Variants in AASDHPPT observed in about 807,000 individuals in gnomAD.
AASDHPPT encodes the protein aminoadipate-semialdehyde dehydrogenase-phosphopantetheinyl transferase, also known as L-aminoadipate-semialdehyde dehydrogenase-phosphopantetheinyl transferase.
In AASDHPPT, 23 loss-of-function variants were observed where a neutral mutation model predicts 36.4. The observed-to-expected ratio is 0.63, with a 90% confidence interval of 0.45 to 0.89. The LOEUF (loss-of-function observed/expected upper bound fraction) is 0.89. AASDHPPT is among the 40% of genes least tolerant of loss of function. The pLI is 0.00. For synonymous variants in AASDHPPT, 115 were observed against 128.0 expected, an observed-to-expected ratio of 0.90 and a Z score of 0.68; for missense variants, 377 against 378.2, an observed-to-expected ratio of 1.00 and a Z score of 0.03.
chr11:106,086,020 C>T (rs1315021825), intron 2 of AASDHPPT: 1 of 152,206 alleles, frequency 6.6e-6, no homozygotes, highest in Non-Finnish European at 1.5e-5. Flanking sequence ...AGCATTTGAA[C>T]ATTTGACTGC....
chr11:106,097,054 CTTCTGG>C lies in AASDHPPT; in HGVS notation c.*151_*156del, dbSNP rs1861322926. The C allele has an allele frequency of 5.1e-6, 4 of 777,978 alleles. No individual in the cohort carries two copies. Among genetic ancestry groups the C allele is most frequent in the Non-Finnish European group, 7.7e-6 (4 of 522,530 alleles). 48.2% of individuals were successfully genotyped at this position (777,978 alleles called of 1,614,324 possible). A position where few individuals can be genotyped will look rare whatever the true frequency, so the allele number is the denominator to read the frequency against. ...TTTCCAATTAAAAAAAAAAAGCAGA[CTTCTGG>C]TTCAAGATAGCTCACTGGAATACAT... On this transcript the variant is annotated 3_prime_UTR_variant, in exon 6 of 6. Transcript: ENST00000278618.
rs1370755014 is a variant in AASDHPPT at position 106,097,320 on chromosome 11, A to G, written c.*413A>G. The G allele has an allele frequency of 5.9e-6, 1 of 168,492 alleles. No homozygotes were observed. Among genetic ancestry groups the G allele is most frequent in the Non-Finnish European group, 1.3e-5 (1 of 79,752 alleles). 10.4% of individuals were successfully genotyped at this position (168,492 alleles called of 1,614,324 possible). A position where few individuals can be genotyped will look rare whatever the true frequency, so the allele number is the denominator to read the frequency against. ...GATTTTTTTAAAAACATGGAAACGT[A>G]CTGTTTTGTAAATTCTTTTTAACTG... On this transcript the variant is annotated 3_prime_UTR_variant, in exon 6 of 6. Coordinates refer to ENST00000278618, the MANE Select transcript of AASDHPPT (RefSeq NM_015423.3).
At chr11:106,091,092 C>T (rs1861251600) in intron 3 of AASDHPPT, among the ~76,000 whole-genome samples, 1 of 152,036 alleles carries the variant, frequency 6.6e-6, no homozygotes. Context: ...ATCATCATCG[C>T]AGGTTACATA....
intron 3 of AASDHPPT, 54 bp downstream of exon 3, chr11:106,090,732 C>G (rs1315453252): frequency 2.6e-6 from 4 of 1,544,616 alleles, no homozygotes; most frequent in Non-Finnish European, 3.5e-6. Flanking sequence ...CCATTATCTT[C>G]ACTTAAAATC....
chr11:106,089,278 A>G (rs917702934), intron 2 of AASDHPPT, among the ~76,000 whole-genome samples: 2 of 152,024 alleles, frequency 1.3e-5, no homozygotes, highest in African/African-American at 4.8e-5. Context: ...AGTGTGTGGT[A>G]TCAGCTATCA....
At chr11:106,094,352 TGTG>T (rs1297571184) in intron 4 of AASDHPPT, 1 of 339,678 alleles carries the variant, frequency 2.9e-6, no homozygotes, top group Non-Finnish European at 5.3e-6. Context: ...TGTAAGAGAA[TGTG>T]CCTACTAGGA....
chr11:106,085,145 A>G (rs922585765), intron 2 of AASDHPPT, among the ~76,000 whole-genome samples: 1 of 151,844 alleles, frequency 6.6e-6, no homozygotes, highest in Non-Finnish European at 1.5e-5. Context: ...TCTGTTGCCC[A>G]GGCTGGAGTG....
At chr11:106,085,277 A>G (rs974218863) in intron 2 of AASDHPPT, among the ~76,000 whole-genome samples, 3 of 151,750 alleles carry the variant, frequency 2.0e-5, no homozygotes, top group African/African-American at 7.3e-5. Flanking sequence ...AATTTTTTGT[A>G]TTTTTAGTAG....
intron 4 of AASDHPPT, 94 bp from the exon 5 acceptor site, chr11:106,094,489 G>C: frequency 1.3e-6 from 1 of 779,702 alleles, no homozygotes; most frequent in Non-Finnish European, 2.0e-6. Context: ...TATATATATA[G>C]AGAGAGAGAG....
Position 106,094,620 on chromosome 11 carries a change from C to T in AASDHPPT, c.731C>T (p.Ala244Val). 1.9e-6 allele frequency: 3 copies of T among 1,606,400 alleles called. No homozygotes were observed. The highest frequency in any genetic ancestry group is 2.6e-6 in the Non-Finnish European group (3 of 1,176,286). The change falls in exon 5 of 6, where the codon GCT (alanine) becomes GTT (valine). Residue 244 changes from alanine to valine, a missense_variant. Transcript: ENST00000278618. The part of the protein sequence containing the change: ...KIDEHHFVAV[A>V]LRKPDGSRHQ... Reference sequence around the variant, plus strand: ...GATGAGCACCATTTTGTTGCAGTTGCTCTTAGGAAACCCGATGGATCTAGA... The same window carrying T: ...GATGAGCACCATTTTGTTGCAGTTGTTCTTAGGAAACCCGATGGATCTAGA...
Position 106,090,611 on chromosome 11 carries a change from A to G in AASDHPPT, c.464A>G (p.Lys155Arg). ...FHIMKRKFTN[K>R]EWETIRSFKD... The stretch of plus-strand genomic sequence containing the variant: ...ATTATGAAAAGAAAGTTTACCAACA[A>G]AGAATGGGAAACAATCAGAAGCTTT... Residue 155 changes from lysine (K) to arginine (R), a missense_variant, in exon 3 of 6, where the codon AAA (lysine) becomes AGA (arginine). Coordinates refer to ENST00000278618, the MANE Select transcript of AASDHPPT (RefSeq NM_015423.3). 6.2e-7 allele frequency: 1 copy of G among 1,601,958 alleles called. No homozygotes were observed. The highest frequency in any genetic ancestry group is 2.3e-5 in the East Asian group (1 of 44,400).
In AASDHPPT at chr11:106,090,635, T is replaced by G; in HGVS notation, c.488T>G (p.Phe163Cys). 1 of 1,600,460 alleles carries G rather than the reference T, an allele frequency of 6.2e-7. No homozygotes were observed. The highest frequency in any genetic ancestry group is 8.5e-7 in the Non-Finnish European group (1 of 1,174,656). Residue 163 changes from phenylalanine (F) to cysteine (C), a missense_variant, in exon 3 of 6, where the codon TTT (phenylalanine) becomes TGT (cysteine). Phe to Cys is a radical substitution (Grantham distance 205, BLOSUM62 -2). Coordinates refer to ENST00000278618, the MANE Select transcript of AASDHPPT (RefSeq NM_015423.3). ...TNKEWETIRS[F>C]KDEWTQLDMF... ...AAAGAATGGGAAACAATCAGAAGCT[T>G]TAAGGATGAGTGGACTCAGCTGGAT... is the stretch of plus-strand genomic sequence containing the variant.
Position 106,079,524 on chromosome 11 carries a change from C to G in AASDHPPT, c.241C>G (p.His81Asp), listed in dbSNP as rs1861109862. 1 of 1,613,958 alleles carries G rather than the reference C, an allele frequency of 6.2e-7. No homozygotes were observed. Among genetic ancestry groups the G allele is most frequent in the Non-Finnish European group, 8.5e-7 (1 of 1,180,000 alleles). The change falls in exon 2 of 6, where the codon CAT becomes GAT. Residue 81 changes from histidine to aspartate, a missense_variant. Transcript: ENST00000278618. ...VAEKLNIPWNHIRLQRTAKGK... is the reference protein window; with the variant it reads ...VAEKLNIPWNDIRLQRTAKGK... ...AGAGAAATTGAATATCCCTTGGAAT[C>G]ATATTCGTTTGCAAAGAACTGCAAA...
intron 5 of AASDHPPT, 169 bp from the exon 6 acceptor site, chr11:106,096,574 T>C (rs983950782): frequency 4.2e-6 from 2 of 471,312 alleles, no homozygotes; most frequent in Non-Finnish European, 7.1e-6. Context: ...TTTTGATTTG[T>C]TGTATTGGCA....
chr11:106,084,351 T>A (rs185487425), intron 2 of AASDHPPT, among the ~76,000 whole-genome samples: 43 of 152,348 alleles, frequency 2.8e-4, no homozygotes, highest in African/African-American at 1.0e-3. Context: ...TGAATGCTGC[T>A]AATAGAAATT....
intron 3 of AASDHPPT, among the ~76,000 whole-genome samples, chr11:106,090,884 C>T (rs1186125225): frequency 1.1e-5 from 1 of 89,038 alleles, no homozygotes; most frequent in African/African-American, 2.6e-5. Context: ...ATGTAATGCT[C>T]AGTTAGAAAG....
intron 2 of AASDHPPT, among the ~76,000 whole-genome samples, chr11:106,081,913 T>C (rs916525474): frequency 6.6e-6 from 1 of 151,816 alleles, no homozygotes; most frequent in Non-Finnish European, 1.5e-5. Flanking sequence ...TGCTAAATGA[T>C]GAGTTAATGG....
chr11:106,096,558 AT>A (rs921167472), intron 5 of AASDHPPT, 184 bp from the exon 6 acceptor site: 584 of 425,470 alleles, frequency 1.4e-3, no homozygotes, highest in Middle Eastern at 2.5e-3. Flanking sequence ...TTTCTATTTC[AT>A]TTTTTTTTGA....
chr11:106,078,763 G>T (rs1233630851), intron 1 of AASDHPPT, among the ~76,000 whole-genome samples: 1 of 152,088 alleles, frequency 6.6e-6, no homozygotes, highest in Non-Finnish European at 1.5e-5. Flanking sequence ...AAACCTGAAA[G>T]ATATTTTTAA....
Sources: allele counts gnomAD v4.1 joint callset (sites outside exome capture counted in the v4.1 genomes callset), GRCh38; gene constraint gnomAD v4.1.1; transcripts MANE v1.5; gene names NCBI Gene and HGNC (gene_info 2026-07-23, HGNC 2026-07-21).